SLC24A2: variants seen among roughly 807,000 people sequenced by gnomAD.
The protein encoded by SLC24A2 is solute carrier family 24 member 2.
A neutral mutation model predicts 62.0 loss-of-function variants in SLC24A2; 36 were observed. The ratio of observed to expected loss-of-function variants is 0.58; its 90% CI spans 0.44 to 0.77. The LOEUF is 0.77. Among genes scored for constraint, SLC24A2 ranks in the 30% least tolerant of loss-of-function variants. The pLI is 0.00. For missense variants in SLC24A2, 846 were observed against 817.9 expected (o/e 1.03, Z -0.42); for synonymous variants, 358 against 294.0 (o/e 1.22, Z -2.23).
intron 4 of SLC24A2, among the ~76,000 whole-genome samples, chr9:19,598,724 A>G (rs1167117753): frequency 2.0e-5 from 3 of 152,170 alleles, no homozygotes; most frequent in African/African-American, 4.8e-5. Context: ...ACAGTATTAT[A>G]TATTTGACAT....
At chr9:19,901,409 C>CTGTAAA in the SLC24A2 span, among the ~76,000 whole-genome samples, 1 of 152,090 alleles carries the variant, frequency 6.6e-6, no homozygotes, top group South Asian at 2.1e-4. Flanking sequence ...GGGTTACAGC[C>CTGTAAA]TGTAAATATG....
the SLC24A2 span, among the ~76,000 whole-genome samples, chr9:19,802,234 T>C: frequency 6.6e-6 from 1 of 152,226 alleles, no homozygotes; most frequent in Non-Finnish European, 1.5e-5. Flanking sequence ...GTATTCTTTA[T>C]AAAACTCTGT....
At chr9:19,628,446 A>C (rs1279486145) in intron 2 of SLC24A2, among the ~76,000 whole-genome samples, 1 of 152,226 alleles carries the variant, frequency 6.6e-6, no homozygotes, top group African/African-American at 2.4e-5. Flanking sequence ...ACTAAGCACC[A>C]GTGTTAATTC....
the SLC24A2 span, among the ~76,000 whole-genome samples, chr9:20,225,372 C>T: frequency 6.6e-6 from 1 of 150,598 alleles, no homozygotes; most frequent in Non-Finnish European, 1.5e-5. Flanking sequence ...ACAATAAATC[C>T]TACTCTCATA....
In SLC24A2 at chr9:19,518,430, T is replaced by C. The variant is rs183387158; in HGVS notation, c.1737-2028A>G. On this transcript the variant is annotated intron_variant, in intron 10 of 10. Transcript: ENST00000341998. The stretch of plus-strand genomic sequence containing the variant: ...CTTTCTTTTTCTTTTCTTTTCTTTT[T>C]TTTTTTTTTGAGATGGAGTCTTGCT... Among the ~76,000 whole-genome samples the C allele has an allele frequency of 4.9e-3, 742 of 150,486 alleles. 2 individuals carry two copies. Among genetic ancestry groups the C allele is most frequent in the Non-Finnish European group, 6.3e-3 (427 of 67,706 alleles).
chr9:19,857,747 T>G, the SLC24A2 span, among the ~76,000 whole-genome samples: 3 of 17,310 alleles, frequency 1.7e-4, no homozygotes, highest in East Asian at 1.4e-3. Flanking sequence ...CTTCAGTAGG[T>G]TTTTTTTTTT....
chr9:19,713,442 T>C (rs1447864551), intron 2 of SLC24A2, among the ~76,000 whole-genome samples: 1 of 152,196 alleles, frequency 6.6e-6, no homozygotes, highest in African/African-American at 2.4e-5. Context: ...ATGCTTTGAA[T>C]GCGAAAATAA....
chr9:19,890,607 C>T, the SLC24A2 span, among the ~76,000 whole-genome samples: 5 of 152,160 alleles, frequency 3.3e-5, no homozygotes, highest in Non-Finnish European at 7.3e-5. Context: ...TCTGAAGGCT[C>T]TTTCCTTGGT....
chr9:19,868,688 A>G, the SLC24A2 span, among the ~76,000 whole-genome samples: 2 of 152,004 alleles, frequency 1.3e-5, no homozygotes. Flanking sequence ...ATATCTTCCT[A>G]GTCGTATTCA....
the SLC24A2 span, among the ~76,000 whole-genome samples, chr9:19,921,282 G>C: frequency 6.6e-6 from 1 of 152,062 alleles, no homozygotes; most frequent in Non-Finnish European, 1.5e-5. Context: ...CCAGCACTTT[G>C]GGAGGCCGAG....
chr9:19,908,948 G>A, the SLC24A2 span, among the ~76,000 whole-genome samples: 15 of 152,250 alleles, frequency 9.9e-5, no homozygotes, highest in South Asian at 3.1e-3. Flanking sequence ...TCTAGAAGTA[G>A]GAATACCATG....
At chr9:20,068,806 T>A in the SLC24A2 span, among the ~76,000 whole-genome samples, 1 of 152,320 alleles carries the variant, frequency 6.6e-6, no homozygotes, top group East Asian at 1.9e-4. Context: ...GGACAAGTTT[T>A]GAAAATGAAC....
At chr9:20,053,577 T>A in the SLC24A2 span, among the ~76,000 whole-genome samples, 1 of 152,338 alleles carries the variant, frequency 6.6e-6, no homozygotes, top group African/African-American at 2.4e-5. Flanking sequence ...TGATGGTATT[T>A]GGAGGTGGAG....
chr9:19,951,888 A>G, the SLC24A2 span, among the ~76,000 whole-genome samples: 1 of 152,106 alleles, frequency 6.6e-6, no homozygotes, highest in Admixed American at 6.5e-5. Context: ...AAGGATTTTA[A>G]TTGGGGTTAC....
the SLC24A2 span, among the ~76,000 whole-genome samples, chr9:20,033,839 A>C: frequency 1.3e-5 from 2 of 152,202 alleles, no homozygotes; most frequent in Admixed American, 1.3e-4. Flanking sequence ...ACCTTTAAAA[A>C]TAGCCTACCA....
intron 8 of SLC24A2, among the ~76,000 whole-genome samples, chr9:19,545,042 C>A (rs1016062990): frequency 2.0e-5 from 3 of 152,152 alleles, no homozygotes; most frequent in African/African-American, 7.2e-5. Context: ...GTTCCATTCT[C>A]TCCATCACTT....
chr9:19,912,050 G>T, the SLC24A2 span, among the ~76,000 whole-genome samples: 1 of 152,172 alleles, frequency 6.6e-6, no homozygotes, highest in African/African-American at 2.4e-5. Context: ...TAAAGCCACT[G>T]CATAGCTTCA....
chr9:20,195,176 G>C, the SLC24A2 span, among the ~76,000 whole-genome samples: 1 of 152,078 alleles, frequency 6.6e-6, no homozygotes, highest in African/African-American at 2.4e-5. Context: ...CTATTTTACT[G>C]TTGATGGCTA....
chr9:19,830,580 G>T, the SLC24A2 span, among the ~76,000 whole-genome samples: 2 of 152,060 alleles, frequency 1.3e-5, no homozygotes, highest in Admixed American at 1.3e-4. Flanking sequence ...TATATTTCAG[G>T]GTAGAATGAA....
Sources: allele counts gnomAD v4.1 joint callset (sites outside exome capture counted in the v4.1 genomes callset), GRCh38; gene constraint gnomAD v4.1.1; transcripts MANE v1.5; gene names NCBI Gene and HGNC (gene_info 2026-07-23, HGNC 2026-07-21).